Variants in AGBL1 observed in about 807,000 individuals in gnomAD.
AGBL1 encodes the protein cytosolic carboxypeptidase 4.
Under a neutral mutation model 118.9 loss-of-function variants are expected in AGBL1, and 130 were observed. The observed-to-expected ratio is 1.09, with a 90% CI of 0.95 to 1.26. The LOEUF (loss-of-function observed/expected upper bound fraction) is 1.26, where lower values mean the gene tolerates loss of function less well. AGBL1 is among the 50% of genes most tolerant of loss of function. AGBL1 has a pLI of 0.00. For synonymous variants in AGBL1, 555 were observed against 478.9 expected (o/e 1.16, Z -2.08); for missense variants, 1,584 against 1,298.1 (o/e 1.22, Z -3.38).
chr15:86,882,097 A>G (rs1030643972), intron 22 of AGBL1, among the ~76,000 whole-genome samples: 1 of 152,140 alleles, frequency 6.6e-6, no homozygotes, highest in East Asian at 1.9e-4. Flanking sequence ...CCCGTATCCA[A>G]CCTCTCTTGA....
intron 5 of AGBL1, among the ~76,000 whole-genome samples, chr15:86,195,840 T>G (rs540023172): frequency 6.6e-6 from 1 of 152,252 alleles, no homozygotes; most frequent in Non-Finnish European, 1.5e-5. Flanking sequence ...CTTTTTTATT[T>G]ATTTTTTTGT....
At chr15:86,109,115 A>G (rs531742007) in intron 1 of AGBL1, among the ~76,000 whole-genome samples, 1 of 152,326 alleles carries the variant, frequency 6.6e-6, no homozygotes, top group Non-Finnish European at 1.5e-5. Context: ...GAGTTAGTAT[A>G]TCTACTACAA....
At chr15:86,656,489 A>G (rs2085463414) in intron 21 of AGBL1, among the ~76,000 whole-genome samples, 2 of 152,230 alleles carry the variant, frequency 1.3e-5, no homozygotes, top group African/African-American at 2.4e-5. Flanking sequence ...GGTTCTAATG[A>G]CACATCACTC....
downstream of AGBL1, among the ~76,000 whole-genome samples, chr15:86,920,139 ACTC>A (rs1246182531): frequency 6.6e-6 from 1 of 152,028 alleles, no homozygotes; most frequent in African/African-American, 2.4e-5. Flanking sequence ...GTCAGCCTGG[ACTC>A]CTATCTGGAA....
At chr15:86,647,581 AC>A (rs1475910478) in intron 21 of AGBL1, among the ~76,000 whole-genome samples, 1 of 152,054 alleles carries the variant, frequency 6.6e-6, no homozygotes, top group Non-Finnish European at 1.5e-5. Flanking sequence ...CATACCTGTA[AC>A]CCCAGCTACT....
At chr15:87,005,324 C>T (rs1046946365) in intron 24 of AGBL1, among the ~76,000 whole-genome samples, 2 of 152,220 alleles carry the variant, frequency 1.3e-5, no homozygotes, top group African/African-American at 4.8e-5. Flanking sequence ...CTTTCAGGTA[C>T]ACCAATCAGA....
At chr15:86,756,739 C>T (rs2077946840) in intron 22 of AGBL1, among the ~76,000 whole-genome samples, 2 of 151,752 alleles carry the variant, frequency 1.3e-5, no homozygotes, top group Non-Finnish European at 2.9e-5. Flanking sequence ...TATGGCCGAT[C>T]GAATTGTAGA....
At chr15:86,424,233 A>G (rs189104145) in intron 18 of AGBL1, among the ~76,000 whole-genome samples, 4 of 152,320 alleles carry the variant, frequency 2.6e-5, no homozygotes, top group African/African-American at 7.2e-5. Flanking sequence ...AAATAATGCC[A>G]TACTTCTACA....
At chr15:86,373,313 C>T (rs941178461) in intron 17 of AGBL1, among the ~76,000 whole-genome samples, 1 of 152,172 alleles carries the variant, frequency 6.6e-6, no homozygotes, top group Admixed American at 6.5e-5. Context: ...TCTTGGCACC[C>T]TTTCAACACT....
At chr15:86,573,563 T>C (rs961490103) in intron 21 of AGBL1, among the ~76,000 whole-genome samples, 9 of 152,228 alleles carry the variant, frequency 5.9e-5, no homozygotes, top group Non-Finnish European at 1.2e-4. Flanking sequence ...GATTTTTCTT[T>C]TATCCTAGTT....
chr15:86,432,719 AG>A (rs1360580315), intron 18 of AGBL1, among the ~76,000 whole-genome samples: 1 of 152,242 alleles, frequency 6.6e-6, no homozygotes, highest in African/African-American at 2.4e-5. Flanking sequence ...CTTAGATAAA[AG>A]CCTGAAGGAG....
At chr15:86,111,028 G>A (rs1410824948) in intron 1 of AGBL1, among the ~76,000 whole-genome samples, 3 of 152,226 alleles carry the variant, frequency 2.0e-5, no homozygotes, top group Non-Finnish European at 2.9e-5. Flanking sequence ...CATGAGGAGT[G>A]AACTGAGCTG....
rs550925977 is a variant in AGBL1, at chr15:86,973,484, A to G, written c.3222-14503A>G. Among the ~76,000 whole-genome samples the G allele has an allele frequency of 1.1e-4, 17 of 152,066 alleles. No individual in the cohort carries two copies. The South Asian group carries it at 3.5e-3, about 31-fold the overall frequency. ...GTCAGCCTACATTCCTCTTCAGGGA[A>G]CTAGTTCCTCCCAAGACTTCTCATG... On this transcript the variant is annotated intron_variant, in intron 23 of 24. Transcript: ENST00000441037.
chr15:86,710,669 G>C (rs1033631190), intron 22 of AGBL1, among the ~76,000 whole-genome samples: 2 of 152,162 alleles, frequency 1.3e-5, no homozygotes, highest in African/African-American at 4.8e-5. Context: ...TTCCTTATCA[G>C]TGTTAAGCAT....
intron 24 of AGBL1, among the ~76,000 whole-genome samples, chr15:87,028,090 A>G (rs78753250): frequency 2.3e-3 from 353 of 151,932 alleles, no homozygotes; most frequent in African/African-American, 8.2e-3. Flanking sequence ...CAAAAGAAAA[A>G]AAAAGGAAAG....
intron 18 of AGBL1, among the ~76,000 whole-genome samples, chr15:86,449,942 G>A (rs559867070): frequency 4.3e-4 from 46 of 105,930 alleles, no homozygotes; most frequent in Admixed American, 2.3e-3. Flanking sequence ...TTTTGCTGGC[G>A]TATTAAAAAA....
intron 16 of AGBL1, among the ~76,000 whole-genome samples, chr15:86,284,433 A>T (rs572817084): frequency 1.3e-5 from 2 of 152,296 alleles, no homozygotes; most frequent in East Asian, 1.9e-4. Context: ...AAGTCCCTTT[A>T]ACTTGGGGAG....
At chr15:86,234,781 A>T (rs919016493) in intron 6 of AGBL1, among the ~76,000 whole-genome samples, 1 of 152,200 alleles carries the variant, frequency 6.6e-6, no homozygotes, top group Non-Finnish European at 1.5e-5. Context: ...GTGGGAGTAC[A>T]GTACTGGATC....
intron 10 of AGBL1, among the ~76,000 whole-genome samples, chr15:86,263,938 G>A (rs552562294): frequency 2.0e-5 from 3 of 152,290 alleles, no homozygotes; most frequent in African/African-American, 7.2e-5. Flanking sequence ...TCAAGTGAAA[G>A]GCACTGCCTT....
Sources: allele counts gnomAD v4.1 joint callset (sites outside exome capture counted in the v4.1 genomes callset), GRCh38; gene constraint gnomAD v4.1.1; transcripts MANE v1.5; gene names NCBI Gene and HGNC (gene_info 2026-07-23, HGNC 2026-07-21).